The following CCDC39 variants were observed in gnomAD, a reference collection of about 807,000 sequenced individuals.
The protein encoded by CCDC39 is coiled-coil domain 39 molecular ruler complex subunit, also known as coiled-coil domain-containing protein 39.
Under a neutral mutation model 121.0 loss-of-function variants are expected in CCDC39, and 113 were observed. The observed-to-expected ratio is 0.93, with a 90% CI of 0.80 to 1.09. CCDC39 has a LOEUF of 1.09. Among genes scored for constraint, CCDC39 ranks in the 50% least tolerant of loss-of-function variants. CCDC39 has a pLI of 0.00. For missense variants in CCDC39, 1,063 were observed against 1,074.7 expected, an observed-to-expected ratio of 0.99 and a Z score of 0.15; for synonymous variants, 349 against 352.2, an observed-to-expected ratio of 0.99 and a Z score of 0.10.
chr3:180,676,344 T>A (rs1194774179), intron 1 of CCDC39, among the ~76,000 whole-genome samples: 10 of 152,012 alleles, frequency 6.6e-5, no homozygotes, highest in Non-Finnish European at 1.0e-4. Flanking sequence ...GGATATGAAC[T>A]GACACTTCTC....
At chr3:180,642,695 T>C (rs576841366) in intron 12 of CCDC39, among the ~76,000 whole-genome samples, 2 of 152,284 alleles carry the variant, frequency 1.3e-5, no homozygotes, top group South Asian at 4.1e-4. Context: ...GCTTTTCATT[T>C]GGAGAGATTA....
intron 13 of CCDC39, among the ~76,000 whole-genome samples, chr3:180,634,697 G>A (rs1717784891): frequency 1.3e-5 from 2 of 152,166 alleles, no homozygotes; most frequent in Admixed American, 1.3e-4. Flanking sequence ...GAGAGAGCAT[G>A]ACTGTGAGGA....
intron 8 of CCDC39, 150 bp from the exon 9 acceptor site, chr3:180,651,683 T>C (rs866765752): frequency 6.0e-6 from 4 of 664,056 alleles, no homozygotes; most frequent in Admixed American, 4.0e-5. Context: ...TAATAGACCA[T>C]AAAAATATGG....
At chr3:180,637,384 G>T (rs1425911277) in intron 13 of CCDC39, among the ~76,000 whole-genome samples, 1 of 152,080 alleles carries the variant, frequency 6.6e-6, no homozygotes, top group East Asian at 1.9e-4. Flanking sequence ...TCTCACACCA[G>T]TCAGAATGGC....
In CCDC39 at chr3:180,647,064, T is replaced by C; in HGVS notation, c.1527+15A>G. On this transcript the variant is annotated intron_variant, in intron 11 of 19. Transcript: ENST00000476379. ...TAGGATATTTGAAATATAAAATGTA[T>C]TTTGGCTAAGTTACATGAAGCTTCT... is the stretch of plus-strand genomic sequence containing the variant. The C allele has an allele frequency of 6.3e-7, 1 of 1,598,190 alleles. No individual in the cohort carries two copies.
At chr3:180,645,957 T>C (rs1185944494) in intron 11 of CCDC39, among the ~76,000 whole-genome samples, 2 of 152,106 alleles carry the variant, frequency 1.3e-5, no homozygotes, top group Non-Finnish European at 2.9e-5. Context: ...AACAAAGTCA[T>C]ACCTCTAACA....
intron 9 of CCDC39, among the ~76,000 whole-genome samples, chr3:180,649,757 T>C (rs530355431): frequency 6.6e-6 from 1 of 152,348 alleles, no homozygotes; most frequent in South Asian, 2.1e-4. Flanking sequence ...TTAATTTTTC[T>C]AATTTAGCCA....
At position 180,616,498 on chromosome 3, in the gene CCDC39, TAGAA is replaced by T; in HGVS notation, c.2586+14_2586+17del. Reference sequence around the variant, plus strand: ...CATGAAGTTTTTAAGAAATATTTAATAGAAGGTGCTGTATTACCTGTTGAAAGTA... The same window carrying T: ...CATGAAGTTTTTAAGAAATATTTAATGGTGCTGTATTACCTGTTGAAAGTA... On this transcript the variant is annotated intron_variant, in intron 18 of 19. Coordinates refer to ENST00000476379, the MANE Select transcript of CCDC39 (RefSeq NM_181426.2). 1 of 1,515,244 alleles carries T rather than the reference TAGAA, an allele frequency of 6.6e-7. No homozygotes were observed. Among genetic ancestry groups the T allele is most frequent in the Non-Finnish European group, 8.8e-7 (1 of 1,131,700 alleles). The allele number at this position is 1,515,244 out of a possible 1,614,324, so 93.9% of individuals were successfully genotyped here. A position where few individuals can be genotyped will look rare whatever the true frequency, so the allele number is the denominator to read the frequency against.
At chr3:180,666,222 T>C (rs1711872302) in intron 1 of CCDC39, among the ~76,000 whole-genome samples, 2 of 152,156 alleles carry the variant, frequency 1.3e-5, no homozygotes, top group South Asian at 4.1e-4. Context: ...CATGCAATAT[T>C]TGGCCTTTTG....
chr3:180,672,529 G>C (rs1385817811), intron 1 of CCDC39, among the ~76,000 whole-genome samples: 1 of 152,184 alleles, frequency 6.6e-6, no homozygotes, highest in Non-Finnish European at 1.5e-5. Flanking sequence ...AGGAGTTAGA[G>C]GTTGCAGTGA....
intron 8 of CCDC39, 68 bp from the exon 9 acceptor site, chr3:180,651,601 G>C (rs1718210645): frequency 7.2e-7 from 1 of 1,380,664 alleles, no homozygotes; most frequent in Non-Finnish European, 9.6e-7. Context: ...ACAAATAATA[G>C]TTTATCCTAA....
chr3:180,616,312 T>C lies in CCDC39; in HGVS notation c.2638A>G (p.Arg880Gly), dbSNP rs1249130179. 1.2e-6 allele frequency: 2 copies of C among 1,613,436 alleles called. No homozygotes were observed. The highest frequency in any genetic ancestry group is 2.2e-5 in the East Asian group (1 of 44,880). Residue 880 changes from arginine to glycine, a missense_variant, in exon 19 of 20, where the codon AGA becomes GGA. Physicochemically the swap from Arg to Gly is moderately radical, Grantham distance 125 (BLOSUM62 -2). Coordinates refer to ENST00000476379, the MANE Select transcript of CCDC39 (RefSeq NM_181426.2). ...GATAGTGAAGTATGTGAAGGAGATC[T>C]AGAGCTCTGACGACTGCCTTTTGTG... Reference protein sequence around the residue: ...ASTKGSRQSSRSPSHTSLSAR... With the variant: ...ASTKGSRQSSGSPSHTSLSAR...
intron 11 of CCDC39, 24 bp from the exon 12 acceptor site, chr3:180,644,281 T>TA (rs1718024026): frequency 7.1e-7 from 1 of 1,414,038 alleles, no homozygotes; most frequent in Non-Finnish European, 9.5e-7. Flanking sequence ...AAAAGGTATA[T>TA]AAATGTATGT....
chr3:180,629,415 T>A (rs1043550888), intron 14 of CCDC39, among the ~76,000 whole-genome samples: 42 of 152,340 alleles, frequency 2.8e-4, no homozygotes, highest in Admixed American at 2.2e-3. Flanking sequence ...AAGTTAGTTA[T>A]CATCTATACC....
rs1349687568 is a variant in CCDC39, at chr3:180,614,226, T to G, written c.*695A>C. The stretch of plus-strand genomic sequence containing the variant: ...TAAATCAAGAAAATTTCAAAATTGT[T>G]TATACTTGGTTGGCTGTATCTGAAA... On this transcript the variant is annotated 3_prime_UTR_variant, in exon 20 of 20. Coordinates refer to ENST00000476379, the MANE Select transcript of CCDC39 (RefSeq NM_181426.2). The G allele has an allele frequency of 6.1e-6, 1 of 162,748 alleles. No individual in the cohort carries two copies. Among genetic ancestry groups the G allele is most frequent in the African/African-American group, 2.4e-5 (1 of 41,526 alleles). 10.1% of individuals were successfully genotyped at this position (162,748 alleles called of 1,614,324 possible). A position where few individuals can be genotyped will look rare whatever the true frequency, so the allele number is the denominator to read the frequency against.
intron 13 of CCDC39, among the ~76,000 whole-genome samples, chr3:180,639,712 C>A (rs370814940): frequency 6.6e-6 from 1 of 151,982 alleles, no homozygotes; most frequent in Non-Finnish European, 1.5e-5. Flanking sequence ...ACACCAAAAT[C>A]TCAGAAATTA....
intron 1 of CCDC39, among the ~76,000 whole-genome samples, chr3:180,676,505 A>G (rs1280469838): frequency 1.3e-5 from 2 of 152,356 alleles, no homozygotes; most frequent in East Asian, 1.9e-4. Context: ...AGGTGCTGGA[A>G]AGGATGTGGA....
intron 1 of CCDC39, among the ~76,000 whole-genome samples, chr3:180,675,936 G>C (rs1336966709): frequency 6.6e-6 from 1 of 152,170 alleles, no homozygotes; most frequent in Non-Finnish European, 1.5e-5. Context: ...AAACCTGCTA[G>C]CCATATGTAG....
chr3:180,642,098 T>C lies in CCDC39; in HGVS notation c.1769A>G (p.Gln590Arg). 1 of 1,613,212 alleles carries C rather than the reference T, an allele frequency of 6.2e-7. No homozygotes were observed. The highest frequency in any genetic ancestry group is 8.5e-7 in the Non-Finnish European group (1 of 1,179,254). ...CTCTTCCATTGCTGTGTATAATTGC[T>C]GTTTTCTTTTTTCTAGGGAAAGAAC... ...EEVLSLEKRK[Q>R]QLYTAMEERT... The change falls in exon 13 of 20, where the codon CAG becomes CGG. Residue 590 changes from glutamine to arginine, a missense_variant. Gln to Arg is a conservative substitution (Grantham distance 43). Transcript: ENST00000476379.
Sources: allele counts gnomAD v4.1 joint callset (sites outside exome capture counted in the v4.1 genomes callset), GRCh38; gene constraint gnomAD v4.1.1; transcripts MANE v1.5; gene names NCBI Gene and HGNC (gene_info 2026-07-23, HGNC 2026-07-21).